Variants in TOMM40L observed in about 807,000 individuals in gnomAD.
The protein encoded by TOMM40L is translocase of outer mitochondrial membrane 40 like.
Under a neutral mutation model 38.3 loss-of-function variants are expected in TOMM40L, and 17 were observed. The ratio of observed to expected loss-of-function variants is 0.44; its 90% confidence interval spans 0.30 to 0.67. TOMM40L has a LOEUF of 0.67. Among genes scored for constraint, TOMM40L ranks in the 30% least tolerant of loss-of-function variants. The pLI is 0.08. For missense variants in TOMM40L, 294 were observed against 390.0 expected (o/e 0.75, Z 2.07); for synonymous variants, 151 against 150.2 (o/e 1.01, Z -0.04).
Position 161,226,470 on chromosome 1 carries a change from TC to T in TOMM40L, c.-17del, listed in dbSNP as rs1411886685. On this transcript the variant is annotated 5_prime_UTR_variant, in exon 2 of 10. Transcript: ENST00000367988. ...CCTTTCACAGGCTAACCTCGGCTCT[TC>T]CCAGTCCTCTGGACTAAAATGGGGA... 6.2e-7 allele frequency: 1 copy of T among 1,609,760 alleles called. No individual in the cohort carries two copies. Among genetic ancestry groups the T allele is most frequent in the Non-Finnish European group, 8.5e-7 (1 of 1,177,412 alleles).
Position 161,229,862 on chromosome 1 carries a change from A to C in TOMM40L, c.*767A>C, listed in dbSNP as rs1571663032. ...AGGCCCTGGATGTGCTGGATTTGGT[A>C]CCCGTAGGCCTCATTAATGCTCCGG... On this transcript the variant is annotated 3_prime_UTR_variant, in exon 10 of 10. Transcript: ENST00000367988. The C allele has an allele frequency of 6.2e-7, 1 of 1,614,164 alleles. No individual in the cohort carries two copies. Among genetic ancestry groups the C allele is most frequent in the Non-Finnish European group, 8.5e-7 (1 of 1,180,038 alleles).
chr1:161,226,802 C>T, intron 2 of TOMM40L, 86 bp from the exon 3 acceptor site: 1 of 1,489,000 alleles, frequency 6.7e-7, no homozygotes, highest in Non-Finnish European at 9.3e-7. Context: ...CCAAAGTGTT[C>T]CCTATGGGAT....
In TOMM40L at chr1:161,229,228, AC is replaced by A; in HGVS notation, c.*135del. The A allele has an allele frequency of 7.6e-7, 1 of 1,313,676 alleles. No homozygotes were observed. Among genetic ancestry groups the A allele is most frequent in the South Asian group, 1.3e-5 (1 of 74,100 alleles). The allele number at this position is 1,313,676 out of a possible 1,614,324, so 81.4% of individuals were successfully genotyped here. ...ACCCAGGAGCAGAGTGGTGGACAGG[AC>A]CATGCCCTCCTCAGAACTGGAGCTG... On this transcript the variant is annotated 3_prime_UTR_variant, in exon 10 of 10. Coordinates refer to ENST00000367988, the MANE Select transcript of TOMM40L (RefSeq NM_032174.6).
At position 161,226,460 on chromosome 1, in the gene TOMM40L, C is replaced by T; in HGVS notation, c.-30C>T. Reference sequence around the variant, plus strand: ...GCAATAGCGTCCTTTCACAGGCTAACCTCGGCTCTTCCCAGTCCTCTGGAC... The same window carrying T: ...GCAATAGCGTCCTTTCACAGGCTAATCTCGGCTCTTCCCAGTCCTCTGGAC... On this transcript the variant is annotated 5_prime_UTR_variant, in exon 2 of 10. Coordinates refer to ENST00000367988, the MANE Select transcript of TOMM40L (RefSeq NM_032174.6). 2 of 1,597,834 alleles carry T rather than the reference C, an allele frequency of 1.3e-6. No homozygotes were observed. Among genetic ancestry groups the T allele is most frequent in the Non-Finnish European group, 1.7e-6 (2 of 1,168,768 alleles).
At chr1:161,226,318 C>T (rs1389126969) in intron 1 of TOMM40L, 37 bp from the exon 2 acceptor site, 1 of 607,076 alleles carries the variant, frequency 1.6e-6, no homozygotes. Context: ...GGTTGTCTCT[C>T]CATGAGTGCT....
Position 161,229,508 on chromosome 1 carries a change from A to T in TOMM40L, c.*413A>T. 1 of 859,884 alleles carries T rather than the reference A, an allele frequency of 1.2e-6. No homozygotes were observed. Among genetic ancestry groups the T allele is most frequent in the African/African-American group, 1.7e-5 (1 of 58,762 alleles). The allele number at this position is 859,884 out of a possible 1,614,324, so 53.3% of individuals were successfully genotyped here. ...GCTGGGAAAGTAGGGCTGAAGGGCT[A>T]GATGTTTGGTCTCAGGAAGTGGGGC... On this transcript the variant is annotated 3_prime_UTR_variant, in exon 10 of 10. Coordinates refer to ENST00000367988, the MANE Select transcript of TOMM40L (RefSeq NM_032174.6).
rs758748494 is a variant in TOMM40L at position 161,229,822 on chromosome 1, G to A, written c.*727G>A. On this transcript the variant is annotated 3_prime_UTR_variant, in exon 10 of 10. Transcript: ENST00000367988. ...TCAGCTGCAGATCTCCTGGAGCAGC[G>A]GCATCATGGCAGACAGGCCCTGGAT... is the stretch of plus-strand genomic sequence containing the variant. 52 of 1,614,090 alleles carry A rather than the reference G, an allele frequency of 3.2e-5. No individual in the cohort carries two copies. Among genetic ancestry groups the A allele is most frequent in the Middle Eastern group, 1.6e-4 (1 of 6,082 alleles).
chr1:161,230,010 G>C lies in TOMM40L; in HGVS notation c.*915G>C. ...TCTTGTCTCTAGGCCCTGATCCCCT[G>C]AACTATTCCTCAGTGAAGCCAGGTC... On this transcript the variant is annotated 3_prime_UTR_variant, in exon 10 of 10. Transcript: ENST00000367988. 1 of 1,512,846 alleles carries C rather than the reference G, an allele frequency of 6.6e-7. No homozygotes were observed. The highest frequency in any genetic ancestry group is 9.1e-7 in the Non-Finnish European group (1 of 1,101,406). 93.7% of individuals were successfully genotyped at this position (1,512,846 alleles called of 1,614,324 possible).
chr1:161,228,645 A>C, intron 8 of TOMM40L, 70 bp from the exon 9 acceptor site: 1 of 1,585,206 alleles, frequency 6.3e-7, no homozygotes, highest in Admixed American at 1.7e-5. Context: ...CATTCTGCTG[A>C]TTCCCCATCA....
At chr1:161,227,236 C>G in intron 3 of TOMM40L, 22 bp from the exon 4 acceptor site, 1 of 1,611,468 alleles carries the variant, frequency 6.2e-7, no homozygotes, top group Non-Finnish European at 8.5e-7. Context: ...CGCTTTTCTC[C>G]ACTGAATCCT....
In TOMM40L at chr1:161,230,066, G is replaced by A; in HGVS notation, c.*971G>A. 9.7e-7 allele frequency: 1 copy of A among 1,025,746 alleles called. No homozygotes were observed. Among genetic ancestry groups the A allele is most frequent in the Non-Finnish European group, 1.4e-6 (1 of 703,988 alleles). The allele number at this position is 1,025,746 out of a possible 1,614,324, so 63.5% of individuals were successfully genotyped here. On this transcript the variant is annotated 3_prime_UTR_variant, in exon 10 of 10. Coordinates refer to ENST00000367988, the MANE Select transcript of TOMM40L (RefSeq NM_032174.6). ...ATTAGAGAAAATCATGCTCTGGTAT[G>A]ACAGACTATCAGAGGTTCCAAAGGT...
chr1:161,226,374 G>A lies in TOMM40L; in HGVS notation c.-116G>A. On this transcript the variant is annotated 5_prime_UTR_variant, in exon 2 of 10. The change creates a premature stop within an existing upstream ORF in the 5' untranslated region. Coordinates refer to ENST00000367988, the MANE Select transcript of TOMM40L (RefSeq NM_032174.6). ...TTCCAGGTGTAGCGTCGGACCATGT[G>A]GAAGTTTCTGAGGCTGGGGAGCCGG... 1.2e-6 allele frequency: 1 copy of A among 853,716 alleles called. No homozygotes were observed. Among genetic ancestry groups the A allele is most frequent in the Non-Finnish European group, 1.8e-6 (1 of 550,472 alleles). 52.9% of individuals were successfully genotyped at this position (853,716 alleles called of 1,614,324 possible). A position where few individuals can be genotyped will look rare whatever the true frequency, so the allele number is the denominator to read the frequency against.
intron 8 of TOMM40L, 83 bp downstream of exon 8, chr1:161,228,587 C>A: frequency 6.3e-7 from 1 of 1,575,076 alleles, no homozygotes; most frequent in Non-Finnish European, 8.7e-7. Context: ...GCCCTGCTGA[C>A]CTATTTTTCT....
Position 161,229,692 on chromosome 1 carries a change from C to A in TOMM40L, c.*597C>A, listed in dbSNP as rs759006086. The A allele has an allele frequency of 1.9e-6, 3 of 1,614,094 alleles. No individual in the cohort carries two copies. The highest frequency in any genetic ancestry group is 2.5e-6 in the Non-Finnish European group (3 of 1,179,976). On this transcript the variant is annotated 3_prime_UTR_variant, in exon 10 of 10. Coordinates refer to ENST00000367988, the MANE Select transcript of TOMM40L (RefSeq NM_032174.6). The stretch of plus-strand genomic sequence containing the variant: ...TATTGCTTTAGTCTTTCATTGCAAC[C>A]ACTGGGCTCCCTTTGAACCCGGCCC...
Position 161,226,389 on chromosome 1 carries a change from TG to T in TOMM40L, c.-97del. On this transcript the variant is annotated 5_prime_UTR_variant, in exon 2 of 10. It introduces an in-frame stop codon into an upstream open reading frame of the 5' UTR. Transcript: ENST00000367988. Reference sequence around the variant, plus strand: ...CGGACCATGTGGAAGTTTCTGAGGCTGGGGAGCCGGATAATGGGGGGTGGGG... The same window carrying T: ...CGGACCATGTGGAAGTTTCTGAGGCTGGGAGCCGGATAATGGGGGGTGGGG... 1 of 1,007,186 alleles carries T rather than the reference TG, an allele frequency of 9.9e-7. No individual in the cohort carries two copies. The highest frequency in any genetic ancestry group is 1.4e-6 in the Non-Finnish European group (1 of 701,344). 62.4% of individuals were successfully genotyped at this position (1,007,186 alleles called of 1,614,324 possible). A position where few individuals can be genotyped will look rare whatever the true frequency, so the allele number is the denominator to read the frequency against.
chr1:161,229,326 C>T lies in TOMM40L; in HGVS notation c.*231C>T, dbSNP rs894881988. 3.1e-6 allele frequency: 2 copies of T among 643,388 alleles called. No individual in the cohort carries two copies. Among genetic ancestry groups the T allele is most frequent in the African/African-American group, 3.7e-5 (2 of 54,732 alleles). 39.9% of individuals were successfully genotyped at this position (643,388 alleles called of 1,614,324 possible). A position where few individuals can be genotyped will look rare whatever the true frequency, so the allele number is the denominator to read the frequency against. ...CTACCAGCCCCAGTATCACCTTCCC[C>T]ATGCTCTTGTGGCTGTGGACTAAGG... On this transcript the variant is annotated 3_prime_UTR_variant, in exon 10 of 10. Coordinates refer to ENST00000367988, the MANE Select transcript of TOMM40L (RefSeq NM_032174.6).
chr1:161,227,891 A>T lies in TOMM40L; in HGVS notation c.386A>T (p.Gln129Leu). The change falls in exon 6 of 10, where the codon CAG becomes CTG. Residue 129 changes from glutamine (Q) to leucine (L), a missense_variant. Gln to Leu is a moderately radical substitution (Grantham distance 113). Coordinates refer to ENST00000367988, the MANE Select transcript of TOMM40L (RefSeq NM_032174.6). ...CTTGCTCTTGCCACCCAGACGCAGC[A>T]GGCCAAGTTCCTGACATGGCAGTTT... Reference protein sequence around the residue: ...LRAKAVFQTQQAKFLTWQFDG... With the variant: ...LRAKAVFQTQLAKFLTWQFDG... 2.5e-6 allele frequency: 4 copies of T among 1,614,130 alleles called. No homozygotes were observed. Among genetic ancestry groups the T allele is most frequent in the Non-Finnish European group, 3.4e-6 (4 of 1,179,988 alleles).
In TOMM40L at chr1:161,230,246, T is replaced by C. The variant is rs994559425; in HGVS notation, c.*1151T>C. ...GGGCCTGGCCTTCTAGAGCAGGTTC[T>C]AGAAGGTGGATGTGTTCTATGGTAT... On this transcript the variant is annotated 3_prime_UTR_variant, in exon 10 of 10. Coordinates refer to ENST00000367988, the MANE Select transcript of TOMM40L (RefSeq NM_032174.6). 1.3e-4 allele frequency: 51 copies of C among 380,952 alleles called. No homozygotes were observed. Among genetic ancestry groups the C allele is most frequent in the Non-Finnish European group, 2.2e-4 (46 of 206,974 alleles). The allele number at this position is 380,952 out of a possible 1,614,324, so 23.6% of individuals were successfully genotyped here.
chr1:161,227,322 C>T lies in TOMM40L; in HGVS notation c.248C>T (p.Ala83Val), dbSNP rs1666412671. The part of the protein sequence containing the change: ...LPGYHLHAAY[A>V]GDWQLSPTEV... ...GGATATCACCTCCATGCGGCCTATG[C>T]AGGGGATTGGCAGCTCAGTCCCACT... The change falls in exon 4 of 10, where the codon GCA becomes GTA. Residue 83 changes from alanine (A) to valine (V), a missense_variant. Ala to Val is a moderately conservative substitution (Grantham distance 64, BLOSUM62 0). Transcript: ENST00000367988. The T allele has an allele frequency of 6.2e-7, 1 of 1,614,136 alleles. No individual in the cohort carries two copies. Among genetic ancestry groups the T allele is most frequent in the Non-Finnish European group, 8.5e-7 (1 of 1,180,030 alleles).
Sources: allele counts gnomAD v4.1 joint callset, GRCh38; gene constraint gnomAD v4.1.1; transcripts MANE v1.5; gene names NCBI Gene and HGNC (gene_info 2026-07-23, HGNC 2026-07-21).